The following FAM107A variants were observed in gnomAD, a reference collection of about 807,000 sequenced individuals.
FAM107A encodes the protein actin-associated protein FAM107A.
FAM107A carries 19 observed loss-of-function variants against 13.7 expected under a neutral mutation model. The observed-to-expected ratio is 1.38, with a 90% CI of 0.97 to 2.03. FAM107A has a LOEUF of 2.03. Ranked by LOEUF, FAM107A falls within the 30% of genes most tolerant of loss-of-function variation. The probability of loss-of-function intolerance (pLI) is 0.00; values close to 1 mark genes in which losing one functional copy is unlikely to be tolerated. For missense variants in FAM107A, 203 were observed against 184.4 expected (o/e 1.10, Z -0.58); for synonymous variants, 82 against 74.5 (o/e 1.10, Z -0.52).
At chr3:58,577,567 C>A, upstream of FAM107A, 1 of 985,440 alleles carries the variant, frequency 1.0e-6, no homozygotes, top group Non-Finnish European at 1.2e-6. This position sits in a 1 kb window ranked among gnomAD's most constrained non-coding sequence, Gnocchi z 4.9. Context: ...TGCGGAACAT[C>A]ATGTCCAAGC....
intron 1 of FAM107A, among the ~76,000 whole-genome samples, chr3:58,625,000 C>G (rs1005473559): frequency 1.4e-5 from 2 of 142,512 alleles, no homozygotes; most frequent in Non-Finnish European, 3.1e-5. Context: ...TGGGGTGGGG[C>G]TGAGGAAGAT....
intron 1 of FAM107A, among the ~76,000 whole-genome samples, chr3:58,614,035 T>A (rs2065878887): frequency 6.6e-6 from 1 of 152,040 alleles, no homozygotes; most frequent in African/African-American, 2.4e-5. Flanking sequence ...GGATGGGAGA[T>A]CCCTGGAAAA....
chr3:58,615,902 A>C (rs936831056), intron 1 of FAM107A, among the ~76,000 whole-genome samples: 6 of 131,564 alleles, frequency 4.6e-5, no homozygotes, highest in African/African-American at 2.0e-4. Context: ...CTGTCTCAAA[A>C]AAAAAAAAAA....
chr3:58,594,443 C>T (rs1003091959), intron 1 of FAM107A, among the ~76,000 whole-genome samples: 2 of 152,178 alleles, frequency 1.3e-5, no homozygotes, highest in East Asian at 1.9e-4. Context: ...ACGGCAGCTG[C>T]CCTCGCTGGA....
chr3:58,627,561 C>T (rs1037704433), exon 1 of FAM107A: 4 of 152,636 alleles, frequency 2.6e-5, no homozygotes, highest in African/African-American at 9.6e-5. Flanking sequence ...GCTTGGGGTC[C>T]GGGGCTCTCC....
chr3:58,566,935 G>A (rs1461091050), intron 3 of FAM107A: 2 of 607,558 alleles, frequency 3.3e-6, no homozygotes, highest in Non-Finnish European at 5.8e-6. Context: ...AAATGGGAAT[G>A]CCACCTGGCT....
Position 58,564,989 on chromosome 3 carries a change from A to G in FAM107A, c.*1599T>C, listed in dbSNP as rs1685135682. On this transcript the variant is annotated 3_prime_UTR_variant, in exon 4 of 4. Transcript: ENST00000360997. This position sits in a 1 kb window ranked among gnomAD's most constrained non-coding sequence, Gnocchi z 5.6. ...ACCAGAACAATCCCTTTCCTCCGAC[A>G]GTCCCACGTTTGCTTCCAGGAATCA... 6.6e-6 allele frequency: 1 copy of G among 152,242 alleles called. No homozygotes were observed. The highest frequency in any genetic ancestry group is 2.1e-4 in the South Asian group (1 of 4,832). The allele number at this position is 152,242 out of a possible 1,614,324, so 9.4% of individuals were successfully genotyped here. A position where few individuals can be genotyped will look rare whatever the true frequency, so the allele number is the denominator to read the frequency against.
At chr3:58,618,180 T>C (rs1011862870) in intron 1 of FAM107A, among the ~76,000 whole-genome samples, 1 of 152,228 alleles carries the variant, frequency 6.6e-6, no homozygotes, top group African/African-American at 2.4e-5. Context: ...GTTGGCTGTG[T>C]TGTGCAAGGT....
At chr3:58,570,264 A>C in intron 1 of FAM107A, 1 of 418,512 alleles carries the variant, frequency 2.4e-6, no homozygotes, top group Non-Finnish European at 3.2e-6. Context: ...ATATTTAAAA[A>C]GAGTAACATG....
chr3:58,574,024 C>T (rs1012685321), intron 1 of FAM107A, among the ~76,000 whole-genome samples: 19 of 152,198 alleles, frequency 1.2e-4, no homozygotes, highest in Admixed American at 8.5e-4. Flanking sequence ...CAGAGTTGAG[C>T]GCTTGGGGCT....
chr3:58,575,511 C>T (rs1400736822), intron 1 of FAM107A, among the ~76,000 whole-genome samples: 1 of 84,524 alleles, frequency 1.2e-5, no homozygotes, highest in African/African-American at 3.5e-5. Context: ...CTCAGAGAGG[C>T]CAAGCTACTT....
rs1376529186 is a variant in FAM107A, at chr3:58,577,345, C to T, written c.-42G>A. On this transcript the variant is annotated 5_prime_UTR_variant, in exon 1 of 4. Coordinates refer to ENST00000360997, the MANE Select transcript of FAM107A (RefSeq NM_001076778.3). This position sits in a 1 kb window ranked among gnomAD's most constrained non-coding sequence, Gnocchi z 4.9. ...AGTCCTTGGGAAGGGAAGTCAGGAG[C>T]GTGTTGCTGGGTTCCTCACTCCACC... 2.0e-6 allele frequency: 2 copies of T among 985,262 alleles called. No individual in the cohort carries two copies. The highest frequency in any genetic ancestry group is 2.4e-6 in the Non-Finnish European group (2 of 829,932). 61.0% of individuals were successfully genotyped at this position (985,262 alleles called of 1,614,324 possible).
At chr3:58,591,395 G>C (rs2065653588), upstream of FAM107A, among the ~76,000 whole-genome samples, 1 of 152,190 alleles carries the variant, frequency 6.6e-6, no homozygotes, top group South Asian at 2.1e-4. The surrounding 1 kb of genome is among the most constrained non-coding windows in gnomAD (Gnocchi z 4.3). Flanking sequence ...GAGCTGGGCT[G>C]TGCCCGGCAT....
intron 1 of FAM107A, among the ~76,000 whole-genome samples, chr3:58,583,291 C>T (rs985320165): frequency 4.6e-5 from 7 of 152,122 alleles, no homozygotes; most frequent in African/African-American, 9.7e-5. Context: ...CTCAATTTCT[C>T]GAAATATCTA....
chr3:58,621,969 G>A (rs1011863360), intron 1 of FAM107A, among the ~76,000 whole-genome samples: 6 of 152,222 alleles, frequency 3.9e-5, no homozygotes, highest in Non-Finnish European at 1.5e-5. Flanking sequence ...GGGCATTTGT[G>A]AGAATTACAT....
chr3:58,627,033 G>C (rs548635582), intron 1 of FAM107A: 2 of 1,534,560 alleles, frequency 1.3e-6, no homozygotes, highest in South Asian at 2.4e-5. Flanking sequence ...GGCTGCAGGG[G>C]CCAGGCTGGG....
intron 1 of FAM107A, among the ~76,000 whole-genome samples, chr3:58,575,008 T>C (rs1368352933): frequency 6.6e-6 from 1 of 152,146 alleles, no homozygotes; most frequent in African/African-American, 2.4e-5. Flanking sequence ...GCTGCACTGA[T>C]GGAGTCTCGG....
chr3:58,621,045 G>A (rs1032771573), intron 1 of FAM107A, among the ~76,000 whole-genome samples: 3 of 152,136 alleles, frequency 2.0e-5, no homozygotes, highest in Non-Finnish European at 2.9e-5. Context: ...TCTGAAGGTG[G>A]GAGTGAAGGA....
intron 1 of FAM107A, chr3:58,627,202 C>A: frequency 3.5e-6 from 2 of 573,232 alleles, no homozygotes; most frequent in Non-Finnish European, 6.2e-6. Context: ...GCGATTGATC[C>A]TGACAGAGGG....
Sources: allele counts gnomAD v4.1 joint callset (sites outside exome capture counted in the v4.1 genomes callset), GRCh38; gene constraint gnomAD v4.1.1; non-coding constraint Gnocchi (gnomAD v3.1); transcripts MANE v1.5; gene names NCBI Gene and HGNC (gene_info 2026-07-23, HGNC 2026-07-21).